The following CDH12 variants were observed in gnomAD, a reference collection of about 807,000 sequenced individuals.
CDH12 encodes cadherin-12.
A neutral mutation model predicts 74.1 loss-of-function variants in CDH12; 41 were observed. The observed-to-expected ratio is 0.55, with a 90% CI of 0.43 to 0.72. The LOEUF (loss-of-function observed/expected upper bound fraction) is 0.72. Ranked by LOEUF, CDH12 falls within the 30% of genes least tolerant of loss-of-function variation. The probability of loss-of-function intolerance (pLI) is 0.00; values close to 1 mark genes in which losing one functional copy is unlikely to be tolerated. For synonymous variants in CDH12, 399 were observed against 355.0 expected (o/e 1.12, Z -1.39); for missense variants, 945 against 977.2 (o/e 0.97, Z 0.44).
At chr5:22,565,045 C>T (rs929364161) in intron 1 of CDH12, among the ~76,000 whole-genome samples, 6 of 152,080 alleles carry the variant, frequency 3.9e-5, no homozygotes, top group African/African-American at 1.4e-4. Context: ...AAGTGACTGT[C>T]CTGCCTCAGC....
chr5:22,784,893 T>C lies in CDH12; in HGVS notation c.-523+68165A>G, dbSNP rs116393420. On this transcript the variant is annotated intron_variant, in intron 1 of 14. Transcript: ENST00000382254. Reference sequence around the variant, plus strand: ...AGCTATTTTAAAATTTTTCCTTATATAAGTTTAAATAAACTTAAAACATTT... The same window carrying C: ...AGCTATTTTAAAATTTTTCCTTATACAAGTTTAAATAAACTTAAAACATTT... 6.8e-3 allele frequency among the ~76,000 whole-genome samples: 1,040 copies of C among 152,310 alleles called. 11 individuals are homozygous for C. Among genetic ancestry groups the C allele is most frequent in the African/African-American group, 0.024 (1,002 of 41,564 alleles).
At chr5:22,488,446 C>G (rs1746698952) in intron 2 of CDH12, among the ~76,000 whole-genome samples, 1 of 152,088 alleles carries the variant, frequency 6.6e-6, no homozygotes, top group Non-Finnish European at 1.5e-5. Context: ...TTAACTATGC[C>G]TTTTATTTCC....
intron 4 of CDH12, among the ~76,000 whole-genome samples, chr5:22,123,522 G>A (rs565495276): frequency 3.9e-5 from 6 of 152,224 alleles, no homozygotes; most frequent in African/African-American, 1.2e-4. Context: ...GTAGTCGTTC[G>A]ATTTATTTTG....
intron 4 of CDH12, among the ~76,000 whole-genome samples, chr5:22,126,160 C>T (rs1206953050): frequency 6.6e-6 from 1 of 152,016 alleles, no homozygotes; most frequent in Non-Finnish European, 1.5e-5. Flanking sequence ...TATTAATCTA[C>T]ATTAAAATAA....
intron 1 of CDH12, among the ~76,000 whole-genome samples, chr5:22,521,776 G>A (rs923297328): frequency 2.0e-5 from 3 of 152,152 alleles, no homozygotes; most frequent in African/African-American, 7.2e-5. Flanking sequence ...ATGAGTTCCA[G>A]TGAAACATTA....
chr5:22,207,605 G>A (rs190645896), intron 4 of CDH12, among the ~76,000 whole-genome samples: 361 of 152,260 alleles, frequency 2.4e-3, no homozygotes, highest in African/African-American at 8.2e-3. Flanking sequence ...TTCAATGTAC[G>A]TAAGAAAGAG....
intron 11 of CDH12, among the ~76,000 whole-genome samples, chr5:21,773,929 G>A (rs561898495): frequency 9.9e-5 from 15 of 152,234 alleles, no homozygotes; most frequent in African/African-American, 2.9e-4. Context: ...CTGGTTGTAA[G>A]AAGGATAACT....
intron 10 of CDH12, among the ~76,000 whole-genome samples, chr5:21,789,844 G>C (rs559252374): frequency 6.6e-6 from 1 of 152,210 alleles, no homozygotes; most frequent in South Asian, 2.1e-4. Flanking sequence ...TAAATTTCCT[G>C]AGAGCAGAGA....
At chr5:22,661,032 A>G (rs1230110155) in intron 1 of CDH12, among the ~76,000 whole-genome samples, 1 of 152,202 alleles carries the variant, frequency 6.6e-6, no homozygotes, top group Non-Finnish European at 1.5e-5. Context: ...CTTTGTAATT[A>G]CATCTCTGTA....
intron 6 of CDH12, among the ~76,000 whole-genome samples, chr5:21,905,343 A>C (rs1724591498): frequency 6.6e-6 from 1 of 152,234 alleles, no homozygotes; most frequent in Non-Finnish European, 1.5e-5. Flanking sequence ...TCCAATTGTG[A>C]CGATACCTTA....
chr5:22,286,139 A>T (rs1737123333), intron 3 of CDH12, among the ~76,000 whole-genome samples: 1 of 152,152 alleles, frequency 6.6e-6, no homozygotes, highest in African/African-American at 2.4e-5. Flanking sequence ...CATCTCATGC[A>T]TTATTTCCCA....
chr5:22,086,517 TTTTG>T (rs371758444), intron 4 of CDH12, among the ~76,000 whole-genome samples: 1,680 of 151,160 alleles, frequency 0.011, 23 homozygotes, highest in African/African-American at 0.036. Context: ...CTAATTTGTT[TTTTG>T]TTTGTTTGTT....
At chr5:22,035,583 A>T (rs893973440) in intron 5 of CDH12, among the ~76,000 whole-genome samples, 5 of 152,110 alleles carry the variant, frequency 3.3e-5, no homozygotes, top group East Asian at 1.9e-4. Context: ...ACCAAGAGAA[A>T]TTTTTTTAAA....
At chr5:21,802,732 C>T (rs1351608021) in intron 9 of CDH12, among the ~76,000 whole-genome samples, 2 of 151,544 alleles carry the variant, frequency 1.3e-5, no homozygotes, top group Admixed American at 1.3e-4. Context: ...TCTGGGACTA[C>T]AGGCGCCCGC....
At chr5:22,151,560 A>G (rs1332086893) in intron 4 of CDH12, among the ~76,000 whole-genome samples, 2 of 152,182 alleles carry the variant, frequency 1.3e-5, no homozygotes, top group African/African-American at 4.8e-5. Flanking sequence ...TTCCACTGCC[A>G]ATAATTTTGT....
At chr5:21,924,604 G>C (rs1482743266) in intron 6 of CDH12, among the ~76,000 whole-genome samples, 1 of 152,176 alleles carries the variant, frequency 6.6e-6, no homozygotes, top group Non-Finnish European at 1.5e-5. Flanking sequence ...CTAAGTTCTA[G>C]TAAGTCTCAA....
chr5:22,310,636 A>G (rs1261217250), intron 3 of CDH12, among the ~76,000 whole-genome samples: 1 of 152,162 alleles, frequency 6.6e-6, no homozygotes, highest in Non-Finnish European at 1.5e-5. Flanking sequence ...GCATCTACCC[A>G]AAAGAAAAAG....
chr5:22,635,217 C>G (rs1446622916), intron 1 of CDH12, among the ~76,000 whole-genome samples: 1 of 152,098 alleles, frequency 6.6e-6, no homozygotes, highest in Non-Finnish European at 1.5e-5. Context: ...CCAATTTTGA[C>G]AAGATTGCCA....
At chr5:22,579,647 A>G (rs539751688) in intron 1 of CDH12, among the ~76,000 whole-genome samples, 9 of 152,218 alleles carry the variant, frequency 5.9e-5, no homozygotes, top group African/African-American at 1.9e-4. Flanking sequence ...CATTGTTTTC[A>G]AATCAACCTT....
Sources: allele counts gnomAD v4.1 joint callset (sites outside exome capture counted in the v4.1 genomes callset), GRCh38; gene constraint gnomAD v4.1.1; transcripts MANE v1.5; gene names NCBI Gene and HGNC (gene_info 2026-07-23, HGNC 2026-07-21).